The following CMTM7 variants were observed in gnomAD, a reference collection of about 807,000 sequenced individuals.
CMTM7 encodes the protein CKLF-like MARVEL transmembrane domain-containing protein 7.
A neutral mutation model predicts 19.3 loss-of-function variants in CMTM7; 7 were observed. The observed-to-expected ratio is 0.36, with a 90% confidence interval of 0.21 to 0.68. The LOEUF (loss-of-function observed/expected upper bound fraction) is 0.68. CMTM7 is among the 30% of genes least tolerant of loss of function. The probability of loss-of-function intolerance (pLI) is 0.60; values close to 1 mark genes in which losing one functional copy is unlikely to be tolerated. For synonymous variants in CMTM7, 87 were observed against 99.3 expected (o/e 0.88, Z 0.74); for missense variants, 193 against 232.6 (o/e 0.83, Z 1.11).
intron 1 of CMTM7, among the ~76,000 whole-genome samples, chr3:32,402,693 A>G (rs796348079): frequency 8.5e-5 from 13 of 152,162 alleles, no homozygotes; most frequent in African/African-American, 3.1e-4. Context: ...CAGCCTCCCA[A>G]GTAGCTGGGA....
chr3:32,440,413 A>T (rs1432035910), intron 1 of CMTM7, among the ~76,000 whole-genome samples: 4 of 151,798 alleles, frequency 2.6e-5, no homozygotes, highest in Admixed American at 2.6e-4. Context: ...CTCAAAAAAA[A>T]AAGAATCACT....
At chr3:32,438,231 C>T (rs1294213784) in intron 1 of CMTM7, among the ~76,000 whole-genome samples, 1 of 152,172 alleles carries the variant, frequency 6.6e-6, no homozygotes, top group African/African-American at 2.4e-5. Flanking sequence ...AACACCCCAG[C>T]GCCTTTTCCC....
Position 32,454,410 on chromosome 3 carries a change from A to G in CMTM7, c.*156A>G, listed in dbSNP as rs1348120592. ...CCTCTTCCTGCTCTCCCAGGAAGCCAGCTCCCTGAGCTCCTGAGCCAGCCG... is the reference window on the plus strand; with the variant it reads ...CCTCTTCCTGCTCTCCCAGGAAGCCGGCTCCCTGAGCTCCTGAGCCAGCCG... On this transcript the variant is annotated 3_prime_UTR_variant, in exon 5 of 5. Transcript: ENST00000334983. 1 of 842,188 alleles carries G rather than the reference A, an allele frequency of 1.2e-6. No homozygotes were observed. Among genetic ancestry groups the G allele is most frequent in the South Asian group, 1.4e-5 (1 of 70,172 alleles). The allele number at this position is 842,188 out of a possible 1,614,324, so 52.2% of individuals were successfully genotyped here.
Position 32,455,158 on chromosome 3 carries a change from G to C in CMTM7, c.*904G>C, listed in dbSNP as rs1161013089. ...GATGATTAATGATCTCGGCCTAAAT[G>C]TGCTGTTTCGCTGATCTTGAGCTGC... On this transcript the variant is annotated 3_prime_UTR_variant, in exon 5 of 5. Transcript: ENST00000334983. 6.6e-6 allele frequency: 1 copy of C among 152,382 alleles called. No individual in the cohort carries two copies. The highest frequency in any genetic ancestry group is 6.5e-5 in the Admixed American group (1 of 15,292). 9.4% of individuals were successfully genotyped at this position (152,382 alleles called of 1,614,324 possible).
chr3:32,416,171 T>A (rs536301189), intron 1 of CMTM7, among the ~76,000 whole-genome samples: 4 of 150,728 alleles, frequency 2.7e-5, no homozygotes, highest in African/African-American at 9.8e-5. Context: ...CTAATTATGA[T>A]ATATATGTGC....
rs58085712 is a variant in CMTM7, at chr3:32,416,361, ATTTTTTTTTTTTTTTTTTTTTT to A, written c.159+24311_159+24332del. 6.9e-5 allele frequency among the ~76,000 whole-genome samples: 5 copies of A among 72,442 alleles called. No homozygotes were observed. In the East Asian group the frequency reaches 1.5e-3, roughly 21 times the overall value. The allele number at this position is 72,442 out of a possible 152,430, so 47.5% of individuals were successfully genotyped here. ...CAGACGTGCGCCACCATCCGGGCTA[ATTTTTTTTTTTTTTTTTTTTTT>A]TTTTTTTTTTTTTTGAGACGGAGTC... is the stretch of plus-strand genomic sequence containing the variant. On this transcript the variant is annotated intron_variant, in intron 1 of 4. Transcript: ENST00000334983.
chr3:32,396,991 C>A (rs569466160), intron 1 of CMTM7, among the ~76,000 whole-genome samples: 53 of 152,328 alleles, frequency 3.5e-4, no homozygotes, highest in African/African-American at 1.2e-3. Flanking sequence ...ATGACTGTGA[C>A]AAAGTTCTTG....
chr3:32,396,906 C>T (rs757656680), intron 1 of CMTM7, among the ~76,000 whole-genome samples: 7 of 152,240 alleles, frequency 4.6e-5, no homozygotes, highest in Non-Finnish European at 1.0e-4. Flanking sequence ...GTGGCCCTAC[C>T]AACACGTCCT....
intron 1 of CMTM7, among the ~76,000 whole-genome samples, chr3:32,418,508 A>G (rs949634340): frequency 5.3e-5 from 8 of 152,088 alleles, no homozygotes; most frequent in Admixed American, 5.2e-4. Flanking sequence ...ATTTTCTCCT[A>G]CGTTTTCTTC....
chr3:32,403,755 T>C (rs1056589750), intron 1 of CMTM7, among the ~76,000 whole-genome samples: 6 of 152,176 alleles, frequency 3.9e-5, no homozygotes, highest in Admixed American at 2.0e-4. Flanking sequence ...CTGAAAATGA[T>C]GTTGTGATCA....
chr3:32,452,559 G>A, intron 4 of CMTM7, 86 bp downstream of exon 4: 1 of 1,366,610 alleles, frequency 7.3e-7, no homozygotes. Context: ...GACAAACCCT[G>A]CTGTTGAGAA....
intron 1 of CMTM7, among the ~76,000 whole-genome samples, chr3:32,402,237 A>G (rs936921066): frequency 7.9e-5 from 12 of 151,878 alleles, no homozygotes; most frequent in Non-Finnish European, 1.6e-4. Context: ...TCAGCCTCCC[A>G]GGTGGCTGGG....
chr3:32,407,690 C>A (rs576053518), intron 1 of CMTM7, among the ~76,000 whole-genome samples: 7 of 152,110 alleles, frequency 4.6e-5, no homozygotes, highest in African/African-American at 1.7e-4. Context: ...TCAAGCAGTG[C>A]GTCTTGTTTT....
chr3:32,437,551 A>G (rs1476464534), intron 1 of CMTM7, among the ~76,000 whole-genome samples: 1 of 152,062 alleles, frequency 6.6e-6, no homozygotes, highest in African/African-American at 2.4e-5. Context: ...GAGTGGGGAT[A>G]GCGCCACTGC....
intron 1 of CMTM7, among the ~76,000 whole-genome samples, chr3:32,426,758 C>G (rs971330222): frequency 6.6e-6 from 1 of 152,028 alleles, no homozygotes; most frequent in Non-Finnish European, 1.5e-5. Flanking sequence ...AAATCTTGGC[C>G]GATATGCATG....
chr3:32,397,477 G>T (rs1206214622), intron 1 of CMTM7, among the ~76,000 whole-genome samples: 1 of 152,160 alleles, frequency 6.6e-6, no homozygotes, highest in Non-Finnish European at 1.5e-5. Flanking sequence ...GCTCACGCCT[G>T]TAATCCCAGC....
chr3:32,431,098 A>G (rs1417402296), intron 1 of CMTM7, among the ~76,000 whole-genome samples: 1 of 152,208 alleles, frequency 6.6e-6, no homozygotes, highest in East Asian at 1.9e-4. Flanking sequence ...GGTAAAATAT[A>G]CAACTTCCTG....
chr3:32,413,805 T>C (rs1396783459), intron 1 of CMTM7, among the ~76,000 whole-genome samples: 3 of 152,164 alleles, frequency 2.0e-5, no homozygotes, highest in Non-Finnish European at 4.4e-5. Context: ...ACTTAAACAG[T>C]TGCAGTGGCC....
intron 1 of CMTM7, among the ~76,000 whole-genome samples, chr3:32,410,702 T>G (rs1200139823): frequency 2.0e-5 from 3 of 152,174 alleles, no homozygotes; most frequent in Non-Finnish European, 4.4e-5. Context: ...CCCCACAGTT[T>G]GCGATAGAGA....
Sources: allele counts gnomAD v4.1 joint callset (sites outside exome capture counted in the v4.1 genomes callset), GRCh38; gene constraint gnomAD v4.1.1; transcripts MANE v1.5; gene names NCBI Gene and HGNC (gene_info 2026-07-23, HGNC 2026-07-21).